TRAPPC9: variants seen among roughly 807,000 people sequenced by gnomAD.
TRAPPC9 encodes the protein trafficking protein particle complex subunit 9, also known as IKK2 binding protein.
Under a neutral mutation model 124.0 loss-of-function variants are expected in TRAPPC9, and 83 were observed. That is an observed-to-expected ratio of 0.67 (90% CI 0.56 to 0.80). TRAPPC9 has a LOEUF of 0.80. TRAPPC9 is among the 30% of genes least tolerant of loss of function. The probability of loss-of-function intolerance (pLI) is 0.00; values close to 1 mark genes in which losing one functional copy is unlikely to be tolerated. For synonymous variants in TRAPPC9, 638 were observed against 617.5 expected (o/e 1.03, Z -0.49); for missense variants, 1,302 against 1,508.3 (o/e 0.86, Z 2.27).
At chr8:140,122,853 G>C (rs1263170490) in intron 17 of TRAPPC9, among the ~76,000 whole-genome samples, 1 of 152,178 alleles carries the variant, frequency 6.6e-6, no homozygotes, top group African/African-American at 2.4e-5. Flanking sequence ...CATCTTGAAG[G>C]GCCCCGATGA....
chr8:140,190,864 G>A (rs1003876246), intron 17 of TRAPPC9, among the ~76,000 whole-genome samples: 1 of 152,190 alleles, frequency 6.6e-6, no homozygotes, highest in African/African-American at 2.4e-5. Flanking sequence ...CGAATAGAGG[G>A]TAAAGCAAAC....
intron 17 of TRAPPC9, among the ~76,000 whole-genome samples, chr8:140,176,778 T>C (rs541899845): frequency 4.6e-5 from 7 of 152,214 alleles, no homozygotes; most frequent in Non-Finnish European, 7.3e-5. Context: ...TCATTCATAA[T>C]ATAGGAGAGT....
intron 19 of TRAPPC9, among the ~76,000 whole-genome samples, chr8:139,942,866 G>T (rs1419536675): frequency 6.6e-6 from 1 of 152,126 alleles, no homozygotes. Context: ...GACAGAGTTT[G>T]GGGCAACCAC....
chr8:140,193,466 T>C (rs915886945), intron 17 of TRAPPC9, among the ~76,000 whole-genome samples: 1 of 152,252 alleles, frequency 6.6e-6, no homozygotes. Context: ...GTCTTGGATA[T>C]AAATCTTCAA....
At chr8:140,124,704 G>GGGGGAGGACCCTCATA (rs55793913) in intron 17 of TRAPPC9, among the ~76,000 whole-genome samples, 61,959 of 143,218 alleles carry the variant, frequency 0.43, 13,046 homozygotes, top group Admixed American at 0.5. Flanking sequence ...AGACCCTCGC[G>GGGGGAGGACCCTCATA]GGGGAGGACC....
intron 18 of TRAPPC9, among the ~76,000 whole-genome samples, chr8:140,022,603 G>A (rs541790594): frequency 4.4e-4 from 67 of 152,172 alleles, no homozygotes; most frequent in Non-Finnish European, 7.2e-4. Context: ...TGTGGGCAAC[G>A]GCAGCAGGAG....
At chr8:140,003,601 CAAAAAAAAAA>C (rs58826807) in intron 18 of TRAPPC9, among the ~76,000 whole-genome samples, 4 of 91,394 alleles carry the variant, frequency 4.4e-5, no homozygotes, top group Middle Eastern at 0.012. Context: ...GACCCTGTCA[CAAAAAAAAAA>C]AAAAAAAAAA....
intron 5 of TRAPPC9, among the ~76,000 whole-genome samples, chr8:140,419,519 A>G (rs2070116916): frequency 6.6e-6 from 1 of 151,866 alleles, no homozygotes; most frequent in Non-Finnish European, 1.5e-5. Flanking sequence ...ATCTGTGAAA[A>G]ACCCACAGCT....
At chr8:140,398,430 A>C (rs1229622390) in intron 6 of TRAPPC9, among the ~76,000 whole-genome samples, 2 of 152,222 alleles carry the variant, frequency 1.3e-5, no homozygotes, top group African/African-American at 4.8e-5. Flanking sequence ...CAAAATGCTG[A>C]TAATGATATG....
intron 19 of TRAPPC9, among the ~76,000 whole-genome samples, chr8:139,928,136 T>C (rs1357653143): frequency 1.3e-5 from 2 of 152,190 alleles, no homozygotes; most frequent in Non-Finnish European, 2.9e-5. Flanking sequence ...CTGTGAAATA[T>C]CTCCCCACCA....
intron 5 of TRAPPC9, among the ~76,000 whole-genome samples, chr8:140,421,731 T>A (rs190292479): frequency 6.6e-6 from 1 of 152,200 alleles, no homozygotes; most frequent in African/African-American, 2.4e-5. Flanking sequence ...ACACTGGGGA[T>A]TTTTTTCCTT....
At chr8:140,261,855 A>G (rs1364516208) in intron 15 of TRAPPC9, among the ~76,000 whole-genome samples, 1 of 152,146 alleles carries the variant, frequency 6.6e-6, no homozygotes, top group Non-Finnish European at 1.5e-5. Context: ...TAATGGAGAC[A>G]TGAAACTAAA....
chr8:140,001,150 C>G (rs370264258), intron 18 of TRAPPC9, among the ~76,000 whole-genome samples: 16 of 152,190 alleles, frequency 1.1e-4, no homozygotes, highest in African/African-American at 3.1e-4. Flanking sequence ...CCAAATACCA[C>G]ATGTTCTCAC....
chr8:140,115,724 A>G lies in TRAPPC9; in HGVS notation c.2557-91645T>C, dbSNP rs978549670. The stretch of plus-strand genomic sequence containing the variant: ...GGCTGGATAATCACCTGGGACAAGC[A>G]GCCTGGCGAAGGGGAGAGCATACAG... On this transcript the variant is annotated intron_variant, in intron 17 of 22. Coordinates refer to ENST00000438773, the MANE Select transcript of TRAPPC9 (RefSeq NM_001160372.4). 6.3e-4 allele frequency among the ~76,000 whole-genome samples: 96 copies of G among 152,174 alleles called. 4 individuals are homozygous for G. The highest frequency in any genetic ancestry group is 7.3e-5 in the Non-Finnish European group (5 of 68,032).
chr8:140,249,769 A>G (rs2064086784), intron 16 of TRAPPC9, among the ~76,000 whole-genome samples: 1 of 151,726 alleles, frequency 6.6e-6, no homozygotes, highest in South Asian at 2.1e-4. Context: ...ACGCCCGGCT[A>G]ATTTTTGTTT....
chr8:140,341,979 C>T (rs2067208347), intron 9 of TRAPPC9, among the ~76,000 whole-genome samples: 1 of 152,220 alleles, frequency 6.6e-6, no homozygotes, highest in Admixed American at 6.5e-5. Context: ...TAAACACCTG[C>T]TTTAGAAAGA....
At chr8:139,740,459 G>A (rs964087958) in intron 21 of TRAPPC9, among the ~76,000 whole-genome samples, 3 of 152,236 alleles carry the variant, frequency 2.0e-5, no homozygotes, top group African/African-American at 7.2e-5. Flanking sequence ...GGCAATGTGC[G>A]CATGCTGGGC....
Position 140,445,505 on chromosome 8 carries a change from C to T in TRAPPC9, c.584+5285G>A, listed in dbSNP as rs550140660. On this transcript the variant is annotated intron_variant, in intron 2 of 22. Coordinates refer to ENST00000438773, the MANE Select transcript of TRAPPC9 (RefSeq NM_001160372.4). ...AGGAGAGCACCTGGGTTGTGAACTC[C>T]GAGACTCGGCTGCCAGGAGAGCAGG... Among the ~76,000 whole-genome samples the T allele has an allele frequency of 1.1e-4, 17 of 152,188 alleles. No homozygotes were observed. In the East Asian group the frequency reaches 1.9e-3, roughly 17 times the overall value.
intron 17 of TRAPPC9, among the ~76,000 whole-genome samples, chr8:140,127,703 C>A (rs939278511): frequency 7.9e-5 from 12 of 152,192 alleles, no homozygotes; most frequent in African/African-American, 2.9e-4. Context: ...AAAGGAGATA[C>A]GTTCTTGATT....
Sources: gnomAD v4.1 joint callset for allele counts (sites outside exome capture counted in the v4.1 genomes callset) on GRCh38, gnomAD v4.1.1 for gene constraint, MANE v1.5 for transcripts, NCBI Gene and HGNC (gene_info 2026-07-23, HGNC 2026-07-21) for gene names.